The following PCP4L1 variants were observed in gnomAD, a reference collection of about 807,000 sequenced individuals.
PCP4L1 encodes the protein Purkinje cell protein 4 like 1.
Under a neutral mutation model 9.6 loss-of-function variants are expected in PCP4L1, and 9 were observed. The ratio of observed to expected loss-of-function variants is 0.94; its 90% CI spans 0.57 to 1.64. The LOEUF (loss-of-function observed/expected upper bound fraction) is 1.64, where lower values mean the gene tolerates loss of function less well. Among genes scored for constraint, PCP4L1 ranks in the 40% most tolerant of loss-of-function variants. PCP4L1 has a pLI of 0.00. For synonymous variants in PCP4L1, 31 were observed against 28.2 expected, an observed-to-expected ratio of 1.10 and a Z score of -0.31; for missense variants, 81 against 80.8, an observed-to-expected ratio of 1.00 and a Z score of -0.01.
At position 161,264,054 on chromosome 1, in the gene PCP4L1, C is replaced by T. The variant is rs77207166; in HGVS notation, c.9+5071C>T. ...CCTCCCAAGTAGCTGAGATTACAGGCGTGTATCACCAGGCCCGGGTAATTT... is the reference window on the plus strand; with the variant it reads ...CCTCCCAAGTAGCTGAGATTACAGGTGTGTATCACCAGGCCCGGGTAATTT... On this transcript the variant is annotated intron_variant, in intron 1 of 2. Transcript: ENST00000504449. Among the ~76,000 whole-genome samples, 26 of 151,632 alleles carry T rather than the reference C, an allele frequency of 1.7e-4. No individual in the cohort carries two copies. In the East Asian group the frequency reaches 4.1e-3, roughly 24 times the overall value.
intron 1 of PCP4L1, among the ~76,000 whole-genome samples, chr1:161,264,064 C>T (rs1012765407): frequency 2.6e-5 from 4 of 151,706 alleles, no homozygotes; most frequent in Non-Finnish European, 5.9e-5. Context: ...CGTGTATCAC[C>T]AGGCCCGGGT....
rs114972221 is a variant in PCP4L1, at chr1:161,262,685, T to C, written c.9+3702T>C. On this transcript the variant is annotated intron_variant, in intron 1 of 2. Coordinates refer to ENST00000504449, the MANE Select transcript of PCP4L1 (RefSeq NM_001102566.2). ...CTCTGAGAATGTCATCTTTATAGGG[T>C]CAGGCAGCCATAAGTAATATGGCTG... Among the ~76,000 whole-genome samples, 160 of 152,244 alleles carry C rather than the reference T, an allele frequency of 1.1e-3. 1 individual carries two copies. Among genetic ancestry groups the C allele is most frequent in the African/African-American group, 3.7e-3 (154 of 41,534 alleles).
chr1:161,283,956 G>A (rs907712503), intron 2 of PCP4L1, among the ~76,000 whole-genome samples: 9 of 152,194 alleles, frequency 5.9e-5, no homozygotes, highest in African/African-American at 2.2e-4. Flanking sequence ...GGTCTGGAGT[G>A]TTGGGGGGAG....
At chr1:161,262,555 C>T (rs531106741) in intron 1 of PCP4L1, among the ~76,000 whole-genome samples, 1 of 152,000 alleles carries the variant, frequency 6.6e-6, no homozygotes, top group African/African-American at 2.4e-5. Flanking sequence ...CTGGTTTTAG[C>T]TGCTTAGGCA....
intron 1 of PCP4L1, among the ~76,000 whole-genome samples, chr1:161,271,500 C>CT (rs974099016): frequency 1.2e-4 from 18 of 151,434 alleles, no homozygotes; most frequent in South Asian, 6.3e-4. Flanking sequence ...TACTTTGTTT[C>CT]TTTTTTTTTC....
intron 1 of PCP4L1, among the ~76,000 whole-genome samples, chr1:161,276,326 C>A (rs186917197): frequency 8.5e-5 from 13 of 152,228 alleles, no homozygotes; most frequent in Middle Eastern, 3.4e-3. Flanking sequence ...CAAAGGGGAA[C>A]AAGCAGGAAT....
intron 1 of PCP4L1, among the ~76,000 whole-genome samples, chr1:161,269,378 A>G (rs1274045061): frequency 1.3e-5 from 2 of 152,204 alleles, no homozygotes; most frequent in African/African-American, 2.4e-5. Flanking sequence ...AAGGAAAGCA[A>G]TGACTTGGCT....
At chr1:161,276,753 AT>A (rs1271202024) in intron 1 of PCP4L1, among the ~76,000 whole-genome samples, 1 of 136,918 alleles carries the variant, frequency 7.3e-6, no homozygotes, top group Non-Finnish European at 1.6e-5. Context: ...ATGTGTATAT[AT>A]GTATGTATAT....
intron 1 of PCP4L1, among the ~76,000 whole-genome samples, chr1:161,266,725 G>A (rs934900126): frequency 6.6e-6 from 1 of 152,148 alleles, no homozygotes; most frequent in Non-Finnish European, 1.5e-5. Flanking sequence ...ATGTGTGTAT[G>A]TAGAACCTGC....
At chr1:161,284,245 A>G in intron 2 of PCP4L1, 94 bp from the exon 3 acceptor site, 1 of 1,554,326 alleles carries the variant, frequency 6.4e-7, no homozygotes, top group Non-Finnish European at 8.8e-7. Context: ...AGAGTCTGGC[A>G]CAAGGTGGAC....
At chr1:161,270,936 T>A (rs1380330310) in intron 1 of PCP4L1, among the ~76,000 whole-genome samples, 2 of 151,520 alleles carry the variant, frequency 1.3e-5, no homozygotes, top group Non-Finnish European at 2.9e-5. Context: ...TGTGAGGATA[T>A]AGCAAAAAGA....
In PCP4L1 at chr1:161,284,866, T is replaced by C; in HGVS notation, c.*385T>C. On this transcript the variant is annotated 3_prime_UTR_variant, in exon 3 of 3. Coordinates refer to ENST00000504449, the MANE Select transcript of PCP4L1 (RefSeq NM_001102566.2). ...TGAGGGTGGGACATATGCACTGTTC[T>C]GCTAGTTACGGCATTCACACTTTAG... 5.2e-6 allele frequency: 1 copy of C among 194,034 alleles called. No homozygotes were observed. Among genetic ancestry groups the C allele is most frequent in the Non-Finnish European group, 1.1e-5 (1 of 93,856 alleles). 12.0% of individuals were successfully genotyped at this position (194,034 alleles called of 1,614,324 possible). A position where few individuals can be genotyped will look rare whatever the true frequency, so the allele number is the denominator to read the frequency against.
Position 161,284,875 on chromosome 1 carries a change from C to T in PCP4L1, c.*394C>T, listed in dbSNP as rs748327446. 8.8e-5 allele frequency: 16 copies of T among 182,756 alleles called. No homozygotes were observed. Among genetic ancestry groups the T allele is most frequent in the Non-Finnish European group, 1.4e-4 (12 of 86,752 alleles). 11.3% of individuals were successfully genotyped at this position (182,756 alleles called of 1,614,324 possible). On this transcript the variant is annotated 3_prime_UTR_variant, in exon 3 of 3. Transcript: ENST00000504449. Reference sequence around the variant, plus strand: ...GACATATGCACTGTTCTGCTAGTTACGGCATTCACACTTTAGGTAACATTT... The same window carrying T: ...GACATATGCACTGTTCTGCTAGTTATGGCATTCACACTTTAGGTAACATTT...
intron 1 of PCP4L1, among the ~76,000 whole-genome samples, chr1:161,262,168 C>T (rs1165427638): frequency 6.6e-6 from 1 of 152,098 alleles, no homozygotes; most frequent in Non-Finnish European, 1.5e-5. Flanking sequence ...GGCGCGGTGG[C>T]TCACGCGTGT....
At chr1:161,262,828 C>T (rs1319069302) in intron 1 of PCP4L1, among the ~76,000 whole-genome samples, 1 of 152,158 alleles carries the variant, frequency 6.6e-6, no homozygotes, top group African/African-American at 2.4e-5. Flanking sequence ...GAATAATTGT[C>T]TCTTCAAGGT....
chr1:161,259,847 TTG>T (rs1271479190), intron 1 of PCP4L1, among the ~76,000 whole-genome samples: 1 of 152,218 alleles, frequency 6.6e-6, no homozygotes, highest in African/African-American at 2.4e-5. Context: ...ACCCACATCG[TTG>T]TGTTAAATCC....
chr1:161,270,261 TAC>T (rs1669600581), intron 1 of PCP4L1, among the ~76,000 whole-genome samples: 3 of 150,970 alleles, frequency 2.0e-5, no homozygotes, highest in Admixed American at 1.3e-4. Context: ...CATGCCACTG[TAC>T]TCCAGCCTGG....
chr1:161,284,195 T>C lies in PCP4L1; in HGVS notation c.65-144T>C, dbSNP rs187402576. On this transcript the variant is annotated intron_variant, in intron 2 of 2. Transcript: ENST00000504449. The stretch of plus-strand genomic sequence containing the variant: ...TTGACTCAGACTTCTAGGGGAATTA[T>C]CAGGCATTCATAATCCTAGCAAAAA... The C allele has an allele frequency of 2.5e-5, 24 of 964,956 alleles. 1 individual carries two copies. The Admixed American group carries it at 5.1e-4, about 20-fold the overall frequency. The allele number at this position is 964,956 out of a possible 1,614,324, so 59.8% of individuals were successfully genotyped here.
chr1:161,284,466 G>C lies in PCP4L1; in HGVS notation c.192G>C (p.Lys64Asn), dbSNP rs116246087. The change falls in exon 3 of 3, where the codon AAG becomes AAC. Residue 64 changes from lysine (K) to asparagine (N), a missense_variant. Coordinates refer to ENST00000504449, the MANE Select transcript of PCP4L1 (RefSeq NM_001102566.2). ...GKFRRFQKRK[K>N]DPSS Reference sequence around the variant, plus strand: ...TCCGGCGATTTCAGAAAAGGAAAAAGGATCCCAGCTCCTGAATGGCCAGGC... The same window carrying C: ...TCCGGCGATTTCAGAAAAGGAAAAACGATCCCAGCTCCTGAATGGCCAGGC... 5.6e-6 allele frequency: 9 copies of C among 1,613,406 alleles called. No homozygotes were observed. The highest frequency in any genetic ancestry group is 7.6e-6 in the Non-Finnish European group (9 of 1,179,716).
Sources: allele counts gnomAD v4.1 joint callset (sites outside exome capture counted in the v4.1 genomes callset), GRCh38; gene constraint gnomAD v4.1.1; transcripts MANE v1.5; gene names NCBI Gene and HGNC (gene_info 2026-07-23, HGNC 2026-07-21).